The following RD3 variants were observed in gnomAD, a reference collection of about 807,000 sequenced individuals.
The protein encoded by RD3 is protein RD3.
Under a neutral mutation model 16.9 loss-of-function variants are expected in RD3, and 11 were observed. That is an observed-to-expected ratio of 0.65 (90% confidence interval 0.41 to 1.08). The LOEUF is 1.08. Ranked by LOEUF, RD3 falls within the 50% of genes least tolerant of loss-of-function variation. The probability of loss-of-function intolerance (pLI) is 0.00; values close to 1 mark genes in which losing one functional copy is unlikely to be tolerated. For synonymous variants in RD3, 116 were observed against 114.8 expected, an observed-to-expected ratio of 1.01 and a Z score of -0.07; for missense variants, 274 against 267.4, an observed-to-expected ratio of 1.02 and a Z score of -0.17.
intron 1 of RD3, among the ~76,000 whole-genome samples, chr1:211,481,812 T>C (rs1214628073): frequency 6.6e-6 from 1 of 151,266 alleles, no homozygotes; most frequent in Non-Finnish European, 1.5e-5. Flanking sequence ...GCTTTCCCTA[T>C]GACTTAAGGG....
In RD3 at chr1:211,477,391, T is replaced by C. The variant is rs1472146250; in HGVS notation, c.*1645A>G. On this transcript the variant is annotated 3_prime_UTR_variant, in exon 3 of 3. Transcript: ENST00000680073. ...ATCACTTGAACCCGGGAGGCAAAGG[T>C]TGTGGTGAGCCGAGATCACGCCACT... The C allele has an allele frequency of 6.6e-6, 1 of 151,496 alleles. No individual in the cohort carries two copies. Among genetic ancestry groups the C allele is most frequent in the African/African-American group, 2.4e-5 (1 of 41,164 alleles). The allele number at this position is 151,496 out of a possible 1,614,324, so 9.4% of individuals were successfully genotyped here.
At chr1:211,490,555 C>A (rs1705468829) in intron 1 of RD3, among the ~76,000 whole-genome samples, 1 of 152,230 alleles carries the variant, frequency 6.6e-6, no homozygotes. Flanking sequence ...TCAGTCTGGG[C>A]AGAGACTTCT....
At chr1:211,483,442 G>A (rs1313969679) in intron 1 of RD3, among the ~76,000 whole-genome samples, 6 of 149,484 alleles carry the variant, frequency 4.0e-5, no homozygotes, top group African/African-American at 9.9e-5. Context: ...GTGACAGAGC[G>A]AGACTCCAAC....
rs920322752 is a variant in RD3, at chr1:211,477,916, G to A, written c.*1120C>T. The A allele has an allele frequency of 1.3e-5, 5 of 392,292 alleles. No homozygotes were observed. In the Admixed American group the frequency reaches 1.8e-4, roughly 14 times the overall value. 24.3% of individuals were successfully genotyped at this position (392,292 alleles called of 1,614,324 possible). On this transcript the variant is annotated 3_prime_UTR_variant, in exon 3 of 3. Coordinates refer to ENST00000680073, the MANE Select transcript of RD3 (RefSeq NM_001164688.2). ...CTGGCCTTCCAGATTTTCCATGGGT[G>A]ATCCACACATTGGGTAATCCACATG...
chr1:211,486,397 C>T (rs1327517805), intron 1 of RD3, among the ~76,000 whole-genome samples: 2 of 149,892 alleles, frequency 1.3e-5, no homozygotes, highest in South Asian at 2.1e-4. Flanking sequence ...TCCAGCTAGT[C>T]GGGAGGTGGA....
At chr1:211,484,292 G>T (rs12135625) in intron 1 of RD3, among the ~76,000 whole-genome samples, 19,175 of 152,190 alleles carry the variant, frequency 0.13, 1,843 homozygotes, top group East Asian at 0.47. Flanking sequence ...ATGAATGCCC[G>T]AACAAAGGAA....
intron 1 of RD3, among the ~76,000 whole-genome samples, chr1:211,488,663 G>GC (rs1430246177): frequency 6.6e-6 from 1 of 152,160 alleles, no homozygotes; most frequent in Non-Finnish European, 1.5e-5. Flanking sequence ...CATGGGCTGG[G>GC]CCCTGCTTGT....
At chr1:211,491,628 G>C (rs1373053841) in intron 1 of RD3, 140 bp downstream of exon 1, 1 of 152,310 alleles carries the variant, frequency 6.6e-6, no homozygotes, top group Admixed American at 6.5e-5. Flanking sequence ...GAGGTGGGCG[G>C]CTTTCTAGGC....
chr1:211,485,104 C>T (rs1012569828), intron 1 of RD3, among the ~76,000 whole-genome samples: 2 of 152,224 alleles, frequency 1.3e-5, no homozygotes, highest in African/African-American at 4.8e-5. Context: ...GGGGTGCAGC[C>T]TGTATGGGGT....
In RD3 at chr1:211,477,750, T is replaced by C. The variant is rs943301252; in HGVS notation, c.*1286A>G. ...ACACACTTTTCCCCCCTGTTGATTA[T>C]ATCTCCTCCGGGTATTTTATTTAGG... On this transcript the variant is annotated 3_prime_UTR_variant, in exon 3 of 3. Transcript: ENST00000680073. The C allele has an allele frequency of 2.3e-5, 5 of 213,318 alleles. No individual in the cohort carries two copies. The highest frequency in any genetic ancestry group is 9.1e-5 in the African/African-American group (4 of 43,780). 13.2% of individuals were successfully genotyped at this position (213,318 alleles called of 1,614,324 possible).
chr1:211,481,082 G>C (rs1705246631), intron 2 of RD3, 38 bp downstream of exon 2: 1 of 1,608,914 alleles, frequency 6.2e-7, no homozygotes, highest in Admixed American at 1.7e-5. Context: ...CTTTCCTGGA[G>C]CCTGCAGCCC....
At chr1:211,485,094 G>A (rs1284394847) in intron 1 of RD3, among the ~76,000 whole-genome samples, 2 of 152,230 alleles carry the variant, frequency 1.3e-5, no homozygotes, top group African/African-American at 2.4e-5. Context: ...AGTACAGTCT[G>A]GGGTGCAGCC....
rs1038828170 is a variant in RD3 at position 211,477,751 on chromosome 1, A to G, written c.*1285T>C. The G allele has an allele frequency of 4.7e-6, 1 of 213,542 alleles. No homozygotes were observed. Among genetic ancestry groups the G allele is most frequent in the African/African-American group, 2.3e-5 (1 of 43,728 alleles). The allele number at this position is 213,542 out of a possible 1,614,324, so 13.2% of individuals were successfully genotyped here. Reference sequence around the variant, plus strand: ...CACACTTTTCCCCCCTGTTGATTATATCTCCTCCGGGTATTTTATTTAGGC... The same window carrying G: ...CACACTTTTCCCCCCTGTTGATTATGTCTCCTCCGGGTATTTTATTTAGGC... On this transcript the variant is annotated 3_prime_UTR_variant, in exon 3 of 3. Transcript: ENST00000680073.
Position 211,478,638 on chromosome 1 carries a change from G to A in RD3, c.*398C>T. On this transcript the variant is annotated 3_prime_UTR_variant, in exon 3 of 3. Transcript: ENST00000680073. ...CCTTCTCATTGGGGATGGGGGTAGG[G>A]GGGTGAATGGGACATCCCTGAAATT... is the stretch of plus-strand genomic sequence containing the variant. 4.2e-6 allele frequency: 1 copy of A among 238,772 alleles called. No homozygotes were observed. The highest frequency in any genetic ancestry group is 1.4e-4 in the South Asian group (1 of 7,056). The allele number at this position is 238,772 out of a possible 1,614,324, so 14.8% of individuals were successfully genotyped here.
intron 1 of RD3, among the ~76,000 whole-genome samples, chr1:211,490,197 G>A (rs993030107): frequency 4.6e-5 from 7 of 152,206 alleles, no homozygotes; most frequent in African/African-American, 1.4e-4. Context: ...GGGAACAATG[G>A]GGAGTGTGAC....
At chr1:211,482,953 C>T (rs1412685208) in intron 1 of RD3, among the ~76,000 whole-genome samples, 1 of 151,930 alleles carries the variant, frequency 6.6e-6, no homozygotes, top group East Asian at 1.9e-4. Flanking sequence ...AAGGAGGTGT[C>T]ACCTCCAGAG....
intron 1 of RD3, among the ~76,000 whole-genome samples, 194 bp downstream of exon 1, chr1:211,491,574 C>G (rs113227165): frequency 5.3e-5 from 8 of 152,322 alleles, no homozygotes; most frequent in African/African-American, 1.9e-4. Context: ...TCCTGTGGAA[C>G]TGATGAGGAC....
intron 1 of RD3, among the ~76,000 whole-genome samples, chr1:211,488,929 C>T (rs970069557): frequency 2.0e-5 from 3 of 152,138 alleles, no homozygotes; most frequent in Non-Finnish European, 2.9e-5. Flanking sequence ...ACCCCCACTC[C>T]GCCTCTACTT....
In RD3 at chr1:211,477,931, T is replaced by A. The variant is rs1390773988; in HGVS notation, c.*1105A>T. The A allele has an allele frequency of 2.5e-6, 1 of 393,540 alleles. No individual in the cohort carries two copies. Among genetic ancestry groups the A allele is most frequent in the Non-Finnish European group, 4.5e-6 (1 of 223,652 alleles). The allele number at this position is 393,540 out of a possible 1,614,324, so 24.4% of individuals were successfully genotyped here. A position where few individuals can be genotyped will look rare whatever the true frequency, so the allele number is the denominator to read the frequency against. On this transcript the variant is annotated 3_prime_UTR_variant, in exon 3 of 3. Coordinates refer to ENST00000680073, the MANE Select transcript of RD3 (RefSeq NM_001164688.2). ...TTCCATGGGTGATCCACACATTGGG[T>A]AATCCACATGCCCATCATCAAGGCC...
Sources: allele counts gnomAD v4.1 joint callset (sites outside exome capture counted in the v4.1 genomes callset), GRCh38; gene constraint gnomAD v4.1.1; transcripts MANE v1.5; gene names NCBI Gene and HGNC (gene_info 2026-07-23, HGNC 2026-07-21).